The following PGCKA1 variants were observed in gnomAD, a reference collection of about 807,000 sequenced individuals.
PGCKA1 encodes the protein PDCD10 and GCKIII kinases-associated protein 1.
At chr4:37,471,066 C>T in the PGCKA1 span, among the ~76,000 whole-genome samples, 1 of 152,174 alleles carries the variant, frequency 6.6e-6, no homozygotes, top group Non-Finnish European at 1.5e-5. Context: ...TCCCACACCA[C>T]GTACCTGATG....
the PGCKA1 span, among the ~76,000 whole-genome samples, chr4:37,518,350 A>G: frequency 0.4 from 60,303 of 151,960 alleles, 12,711 homozygotes; most frequent in African/African-American, 0.53. Context: ...CCTCCAAACC[A>G]TTGTCCATAG....
chr4:37,516,055 TC>T, the PGCKA1 span, among the ~76,000 whole-genome samples: 1 of 152,254 alleles, frequency 6.6e-6, no homozygotes, highest in Non-Finnish European at 1.5e-5. Context: ...TGTAACACAA[TC>T]CTTTAACTTG....
chr4:37,536,664 C>G, the PGCKA1 span, among the ~76,000 whole-genome samples: 2 of 152,150 alleles, frequency 1.3e-5, no homozygotes, highest in Non-Finnish European at 2.9e-5. Context: ...ATGTAGAGAA[C>G]CAGATAGTAA....
the PGCKA1 span, among the ~76,000 whole-genome samples, chr4:37,481,748 G>A: frequency 0.062 from 9,494 of 152,198 alleles, 372 homozygotes; most frequent in Middle Eastern, 0.088. Context: ...CTAAGGAGCT[G>A]CAGATTAGGG....
At chr4:37,507,439 C>T in the PGCKA1 span, among the ~76,000 whole-genome samples, 1 of 151,712 alleles carries the variant, frequency 6.6e-6, no homozygotes, top group Non-Finnish European at 1.5e-5. Flanking sequence ...TTTGTGTATC[C>T]ATTGTATGTT....
At chr4:37,458,485 T>C in the PGCKA1 span, among the ~76,000 whole-genome samples, 1 of 152,202 alleles carries the variant, frequency 6.6e-6, no homozygotes, top group Non-Finnish European at 1.5e-5. Context: ...AATTACGTTC[T>C]TTTCCAGTTT....
chr4:37,568,390 C>T, the PGCKA1 span, among the ~76,000 whole-genome samples: 8 of 152,354 alleles, frequency 5.3e-5, no homozygotes, highest in South Asian at 2.1e-4. Flanking sequence ...TGCCTGGCAG[C>T]ATGCACCTCT....
the PGCKA1 span, among the ~76,000 whole-genome samples, chr4:37,462,705 A>G: frequency 4.0e-5 from 6 of 151,814 alleles, no homozygotes; most frequent in African/African-American, 1.5e-4. Context: ...AAAGATTTTT[A>G]TTTTTTTTCA....
chr4:37,583,611 T>G, the PGCKA1 span, among the ~76,000 whole-genome samples: 17,680 of 151,984 alleles, frequency 0.12, 2,790 homozygotes, highest in African/African-American at 0.35. Flanking sequence ...TAATTTTTTT[T>G]TATTTTTAGT....
the PGCKA1 span, among the ~76,000 whole-genome samples, chr4:37,525,009 A>T: frequency 6.6e-6 from 1 of 152,200 alleles, no homozygotes; most frequent in African/African-American, 2.4e-5. Flanking sequence ...TAGGCACTGA[A>T]TTGACAATTC....
At chr4:37,533,078 ACCTGTACAC>A in the PGCKA1 span, among the ~76,000 whole-genome samples, 1 of 152,160 alleles carries the variant, frequency 6.6e-6, no homozygotes, top group Non-Finnish European at 1.5e-5. Flanking sequence ...ACCAGATACC[ACCTGTACAC>A]CCAATAGCTT....
chr4:37,492,073 GCT>G, the PGCKA1 span, among the ~76,000 whole-genome samples: 9,309 of 147,308 alleles, frequency 0.063, 364 homozygotes, highest in Middle Eastern at 0.09. The surrounding 1 kb of genome is among the most constrained non-coding windows in gnomAD (Gnocchi z 4.7). Context: ...GTGGAGTCTT[GCT>G]CTTTCTACCA....
the PGCKA1 span, among the ~76,000 whole-genome samples, chr4:37,498,538 A>G: frequency 1.3e-5 from 2 of 152,206 alleles, no homozygotes; most frequent in East Asian, 1.9e-4. Context: ...ATCCATGAGC[A>G]CGGGATATGT....
chr4:37,453,507 T>C, the PGCKA1 span, among the ~76,000 whole-genome samples: 2 of 151,848 alleles, frequency 1.3e-5, no homozygotes, highest in Non-Finnish European at 2.9e-5. Context: ...ATGCCAGAAA[T>C]AAGGAGGAAA....
chr4:37,488,343 G>A, the PGCKA1 span, among the ~76,000 whole-genome samples: 1 of 152,086 alleles, frequency 6.6e-6, no homozygotes, highest in Non-Finnish European at 1.5e-5. Flanking sequence ...AACATTGTAG[G>A]CAACTCGAGC....
At chr4:37,475,731 A>C in the PGCKA1 span, among the ~76,000 whole-genome samples, 2 of 152,082 alleles carry the variant, frequency 1.3e-5, no homozygotes, top group East Asian at 3.8e-4. Context: ...AAGATGTAAG[A>C]ATTATATATG....
At chr4:37,490,756 A>G in the PGCKA1 span, among the ~76,000 whole-genome samples, 6 of 152,280 alleles carry the variant, frequency 3.9e-5, no homozygotes, top group South Asian at 1.2e-3. Flanking sequence ...ATGTGTGTGT[A>G]TAATACATAC....
At chr4:37,535,957 A>G in the PGCKA1 span, among the ~76,000 whole-genome samples, 27 of 152,368 alleles carry the variant, frequency 1.8e-4, no homozygotes, top group African/African-American at 5.5e-4. Context: ...GATGAGCTTC[A>G]AAATAGTACC....
At chr4:37,505,253 CT>C in the PGCKA1 span, among the ~76,000 whole-genome samples, 37 of 152,246 alleles carry the variant, frequency 2.4e-4, no homozygotes, top group Non-Finnish European at 4.7e-4. Context: ...CCTTGCATCC[CT>C]GGAATATATT....
Sources: gnomAD v4.1 joint callset for allele counts (sites outside exome capture counted in the v4.1 genomes callset) on GRCh38, gnomAD v4.1.1 for gene constraint, Gnocchi (gnomAD v3.1) non-coding constraint, MANE v1.5 for transcripts, NCBI Gene and HGNC (gene_info 2026-07-23, HGNC 2026-07-21) for gene names.